ANK1: variants seen among roughly 807,000 people sequenced by gnomAD.
ANK1 encodes ankyrin 1.
In ANK1, 51 loss-of-function variants were observed where a neutral mutation model predicts 210.4. The ratio of observed to expected loss-of-function variants is 0.24; its 90% confidence interval spans 0.19 to 0.31. The LOEUF (loss-of-function observed/expected upper bound fraction) is 0.31. Among genes scored for constraint, ANK1 ranks in the 10% least tolerant of loss-of-function variants. The pLI is 1.00. For synonymous variants in ANK1, 967 were observed against 1,025.9 expected, an observed-to-expected ratio of 0.94 and a Z score of 1.10; for missense variants, 2,051 against 2,504.4, an observed-to-expected ratio of 0.82 and a Z score of 3.86.
intron 1 of ANK1, among the ~76,000 whole-genome samples, chr8:41,772,688 T>G (rs140948108): frequency 4.6e-5 from 7 of 152,296 alleles, no homozygotes; most frequent in African/African-American, 1.7e-4. Context: ...ATGTGTGGAC[T>G]CAGTTGTGCC....
chr8:41,717,750 C>T (rs148640855), intron 11 of ANK1, 48 bp from the exon 12 acceptor site: 4 of 1,455,618 alleles, frequency 2.7e-6, no homozygotes, highest in East Asian at 2.5e-5. Flanking sequence ...CTTTCCGCTC[C>T]CCTGAAGAAG....
intron 1 of ANK1, among the ~76,000 whole-genome samples, chr8:41,827,859 C>T (rs1563858047): frequency 6.6e-6 from 1 of 151,684 alleles, no homozygotes; most frequent in Non-Finnish European, 1.5e-5. Context: ...ATACATACAC[C>T]CACTCACACA....
chr8:41,701,761 G>A (rs1822862234), intron 21 of ANK1, 139 bp from the exon 22 acceptor site: 2 of 956,124 alleles, frequency 2.1e-6, no homozygotes, highest in African/African-American at 1.6e-5. Flanking sequence ...CAGCCTGGAA[G>A]CTGCCGGGCA....
intron 1 of ANK1, among the ~76,000 whole-genome samples, chr8:41,822,128 GAAAGAGAAAGAA>G (rs1259696564): frequency 1.4e-4 from 4 of 27,778 alleles, no homozygotes; most frequent in Admixed American, 1.1e-3. Context: ...GAAAGAGAAA[GAAAGAGAAAGAA>G]AGAAAGAAAG....
intron 14 of ANK1, among the ~76,000 whole-genome samples, 159 bp downstream of exon 14, chr8:41,715,493 G>A (rs1440992535): frequency 1.3e-5 from 2 of 152,232 alleles, no homozygotes; most frequent in South Asian, 2.1e-4. Context: ...GAGACACATC[G>A]GCTTGCAGGT....
chr8:41,870,894 G>A (rs895693058), intron 1 of ANK1, among the ~76,000 whole-genome samples: 3 of 152,112 alleles, frequency 2.0e-5, no homozygotes, highest in African/African-American at 7.2e-5. Flanking sequence ...ACTCCTTCTG[G>A]AATCAAGGAT....
chr8:41,757,987 G>T, intron 2 of ANK1, 49 bp downstream of exon 2: 2 of 1,518,798 alleles, frequency 1.3e-6, no homozygotes, highest in South Asian at 1.1e-5. Flanking sequence ...AATGGCATCA[G>T]GCAAGAGCTA....
At chr8:41,730,322 G>C (rs187339413) in intron 3 of ANK1, among the ~76,000 whole-genome samples, 1 of 152,196 alleles carries the variant, frequency 6.6e-6, no homozygotes, top group Non-Finnish European at 1.5e-5. Flanking sequence ...ATAAAGCCTG[G>C]GGCTGGGTGC....
intron 2 of ANK1, among the ~76,000 whole-genome samples, chr8:41,747,839 A>C (rs575705698): frequency 6.6e-6 from 1 of 152,238 alleles, no homozygotes; most frequent in East Asian, 1.9e-4. Flanking sequence ...TGTGACTACA[A>C]ATGAAGATTT....
At chr8:41,695,912 C>T (rs778286031) in intron 26 of ANK1, among the ~76,000 whole-genome samples, 3 of 152,104 alleles carry the variant, frequency 2.0e-5, no homozygotes, top group Non-Finnish European at 2.9e-5. Flanking sequence ...CCTCTGGAGC[C>T]GGGTACTTCC....
At chr8:41,660,930 A>G (rs1305567716) in intron 42 of ANK1, 1 of 279,808 alleles carries the variant, frequency 3.6e-6, no homozygotes, top group Non-Finnish European at 6.9e-6. Flanking sequence ...GTCCTCTTCA[A>G]TGCCCTGTCC....
In ANK1 at chr8:41,682,695, T is replaced by C. The variant is rs372553003; in HGVS notation, c.4537+1849A>G. 5.6e-4 allele frequency among the ~76,000 whole-genome samples: 85 copies of C among 152,312 alleles called. 1 individual carries two copies. In the South Asian group the frequency reaches 0.014, roughly 26 times the overall value. ...TGTGGCCCGGGGAGATGCTCACAGA[T>C]GCCCAGGTCTGTAACTGTGAATATT... On this transcript the variant is annotated intron_variant, in intron 37 of 42. Coordinates refer to ENST00000289734, the MANE Select transcript of ANK1 (RefSeq NM_000037.4).
intron 1 of ANK1, among the ~76,000 whole-genome samples, chr8:41,819,801 A>C (rs112474949): frequency 0.011 from 1,732 of 152,344 alleles, 20 homozygotes; most frequent in Non-Finnish European, 0.018. Context: ...GAGTATTCTC[A>C]CTGATCAAAA....
chr8:41,896,106 A>G (rs1327473874), intron 1 of ANK1, among the ~76,000 whole-genome samples: 2 of 152,038 alleles, frequency 1.3e-5, no homozygotes, highest in Non-Finnish European at 2.9e-5. Context: ...AGCTGGCGGG[A>G]GGATTCTGCG....
In ANK1 at chr8:41,694,886, C is replaced by T. The variant is rs1820384700; in HGVS notation, c.3116-83G>A. Reference sequence around the variant, plus strand: ...CCAGGGGCCCCAGAGTCTCCTTGTCCCCAAGACCCAGTGCACACACCCTCC... The same window carrying T: ...CCAGGGGCCCCAGAGTCTCCTTGTCTCCAAGACCCAGTGCACACACCCTCC... On this transcript the variant is annotated intron_variant, in intron 27 of 42. Transcript: ENST00000289734. This position sits in a 1 kb window ranked among gnomAD's most constrained non-coding sequence, Gnocchi z 5.7. 3 of 1,423,438 alleles carry T rather than the reference C, an allele frequency of 2.1e-6. No homozygotes were observed. In the Admixed American group the frequency reaches 5.4e-5, roughly 26 times the overall value. The allele number at this position is 1,423,438 out of a possible 1,614,324, so 88.2% of individuals were successfully genotyped here. A position where few individuals can be genotyped will look rare whatever the true frequency, so the allele number is the denominator to read the frequency against.
intron 1 of ANK1, among the ~76,000 whole-genome samples, chr8:41,776,553 T>C (rs1844092814): frequency 6.6e-6 from 1 of 152,122 alleles, no homozygotes; most frequent in Non-Finnish European, 1.5e-5. Context: ...ACAATGATCC[T>C]AGACTCCAAG....
chr8:41,674,305 A>G (rs1813468773), intron 37 of ANK1, among the ~76,000 whole-genome samples: 2 of 152,178 alleles, frequency 1.3e-5, no homozygotes, highest in Non-Finnish European at 1.5e-5. Context: ...ACACACATGC[A>G]CACACACACA....
chr8:41,668,354 C>G lies in ANK1; in HGVS notation c.5307G>C (p.Glu1769Asp). The change falls in exon 39 of 43, where the codon GAG becomes GAC. Residue 1769 changes from glutamate (E) to aspartate (D), a missense_variant. Physicochemically the swap from Glu to Asp is conservative, Grantham distance 45 (BLOSUM62 2). Around this residue, in one of 6 missense-constraint regions of ANK1, gnomAD observed 496 missense variants for 533.4 expected, o/e 0.93. Coordinates refer to ENST00000289734, the MANE Select transcript of ANK1 (RefSeq NM_000037.4). Reference protein sequence around the residue: ...EHTWTEQPEAESSQADRDRRQ... With the variant: ...EHTWTEQPEADSSQADRDRRQ... ...TCCGGTCCCTGTCGGCCTGGGAGCTCTCAGCCTCGGGCTGTTCTGTCCACG... is the reference window on the plus strand; with the variant it reads ...TCCGGTCCCTGTCGGCCTGGGAGCTGTCAGCCTCGGGCTGTTCTGTCCACG... 1 of 1,614,234 alleles carries G rather than the reference C, an allele frequency of 6.2e-7. No homozygotes were observed. The highest frequency in any genetic ancestry group is 1.6e-4 in the Middle Eastern group (1 of 6,062).
chr8:41,662,250 C>T (rs1228142451), intron 40 of ANK1, among the ~76,000 whole-genome samples: 2 of 146,634 alleles, frequency 1.4e-5, no homozygotes, highest in Non-Finnish European at 3.0e-5. Flanking sequence ...GAGCAACACT[C>T]TGTGTCAAAA....
Sources: gnomAD v4.1 joint callset for allele counts (sites outside exome capture counted in the v4.1 genomes callset) on GRCh38, gnomAD v4.1.1 for gene constraint, gnomAD v4.1.1 regional missense constraint, Gnocchi (gnomAD v3.1) non-coding constraint, MANE v1.5 for transcripts, NCBI Gene and HGNC (gene_info 2026-07-23, HGNC 2026-07-21) for gene names.